Variants in NIN observed in about 807,000 individuals in gnomAD.
NIN encodes ninein.
Under a neutral mutation model 257.6 loss-of-function variants are expected in NIN, and 137 were observed. The observed-to-expected ratio is 0.53, with a 90% CI of 0.46 to 0.61. The LOEUF is 0.61. Ranked by LOEUF, NIN falls within the 20% of genes least tolerant of loss-of-function variation. The pLI, the probability that NIN is intolerant of heterozygous loss-of-function variation, is 0.00. For missense variants in NIN, 2,439 were observed against 2,501.2 expected, an observed-to-expected ratio of 0.98 and a Z score of 0.53; for synonymous variants, 918 against 919.8, an observed-to-expected ratio of 1.00 and a Z score of 0.04.
At chr14:50,819,152 C>G (rs1400303081) in intron 3 of NIN, among the ~76,000 whole-genome samples, 2 of 152,146 alleles carry the variant, frequency 1.3e-5, no homozygotes, top group Admixed American at 6.6e-5. Flanking sequence ...AAATTATATT[C>G]ACTAAGATTT....
At chr14:50,804,390 C>T (rs1020627044) in intron 4 of NIN, among the ~76,000 whole-genome samples, 1 of 152,180 alleles carries the variant, frequency 6.6e-6, no homozygotes, top group African/African-American at 2.4e-5. Flanking sequence ...AGGTTTTATC[C>T]TGCCAGGACA....
chr14:50,749,425 T>C (rs1477849868), intron 21 of NIN, among the ~76,000 whole-genome samples: 5 of 152,136 alleles, frequency 3.3e-5, no homozygotes, highest in African/African-American at 1.2e-4. Context: ...ATTTCTAAGG[T>C]AAGTTTTGCA....
rs749744531 is a variant in NIN, at chr14:50,772,953, A to C, written c.809T>G (p.Met270Arg). The C allele has an allele frequency of 5.6e-6, 9 of 1,608,960 alleles. No individual in the cohort carries two copies. The South Asian group carries it at 1.0e-4, about 18-fold the overall frequency. ...GCACTTCTGCTTATTTTTTACCTGC[A>C]TGGAAAGGTGCCTTTTTAGTTGTCT... ...PYRQLKRHLS[M>R]QSFDESGRRT... Residue 270 changes from methionine to arginine, a missense_variant, in exon 8 of 31, where the codon ATG (methionine) becomes AGG (arginine). Transcript: ENST00000530997.
At chr14:50,758,659 GA>G (rs2042146253) in intron 17 of NIN, 29 bp from the exon 18 acceptor site, 2 of 1,519,400 alleles carry the variant, frequency 1.3e-6, no homozygotes, top group East Asian at 4.6e-5. Flanking sequence ...CAGCATTATT[GA>G]AACTGCCGCC....
chr14:50,725,793 TATG>T, intron 30 of NIN, 157 bp downstream of exon 30: 1 of 1,304,456 alleles, frequency 7.7e-7, no homozygotes. Flanking sequence ...TTTGGGGTGA[TATG>T]AGGGATAGCA....
intron 3 of NIN, among the ~76,000 whole-genome samples, chr14:50,809,858 A>G (rs1005988425): frequency 6.6e-5 from 10 of 152,206 alleles, no homozygotes; most frequent in Admixed American, 1.3e-4. Context: ...TTTATTTCAC[A>G]GCCTCACCTA....
rs1408910564 is a variant in NIN, at chr14:50,720,910, G to GA, written c.*2552dup. On this transcript the variant is annotated 3_prime_UTR_variant, in exon 31 of 31. Coordinates refer to ENST00000530997, the MANE Select transcript of NIN (RefSeq NM_020921.4). The stretch of plus-strand genomic sequence containing the variant: ...TAATTGTTCTTAAATCAAAAAGTTT[G>GA]AAAATCAGTGCTTTTAATAAGCAAC... The GA allele has an allele frequency of 5.1e-6, 1 of 196,332 alleles. No homozygotes were observed. The allele number at this position is 196,332 out of a possible 1,614,324, so 12.2% of individuals were successfully genotyped here. A position where few individuals can be genotyped will look rare whatever the true frequency, so the allele number is the denominator to read the frequency against.
chr14:50,735,877 C>T lies in NIN; in HGVS notation c.5776-260G>A, dbSNP rs145416936. On this transcript the variant is annotated intron_variant, in intron 27 of 30. Transcript: ENST00000530997. ...TGGATGCCACCCACTGTAAGAAATACGTTTTATCTTACAACGCAGTACACA... is the reference window on the plus strand; with the variant it reads ...TGGATGCCACCCACTGTAAGAAATATGTTTTATCTTACAACGCAGTACACA... Among the ~76,000 whole-genome samples the T allele has an allele frequency of 2.5e-3, 384 of 152,252 alleles. 1 individual carries two copies. The highest frequency in any genetic ancestry group is 4.5e-3 in the Non-Finnish European group (309 of 68,014).
chr14:50,824,337 C>A (rs1192269053), intron 2 of NIN, among the ~76,000 whole-genome samples: 2 of 152,132 alleles, frequency 1.3e-5, no homozygotes, highest in African/African-American at 4.8e-5. Flanking sequence ...TTCACTAAAT[C>A]AAACCTCTTT....
At chr14:50,812,233 T>C (rs4901058) in intron 3 of NIN, among the ~76,000 whole-genome samples, 150,372 of 152,342 alleles carry the variant, frequency 0.99, 74,253 homozygotes, top group Middle Eastern at 1. Context: ...CTCACAATAT[T>C]CATGTGACAC....
intron 28 of NIN, among the ~76,000 whole-genome samples, chr14:50,734,709 T>C (rs2040890688): frequency 6.6e-6 from 1 of 152,146 alleles, no homozygotes; most frequent in Admixed American, 6.5e-5. Context: ...AGACAGGGTC[T>C]CTCACTGTCT....
intron 4 of NIN, among the ~76,000 whole-genome samples, chr14:50,793,438 A>G (rs2043690239): frequency 6.6e-6 from 1 of 152,096 alleles, no homozygotes; most frequent in Non-Finnish European, 1.5e-5. Flanking sequence ...ATTCTAAGCA[A>G]TTAATGACAG....
chr14:50,821,859 T>C lies in NIN; in HGVS notation c.183+15A>G. The C allele has an allele frequency of 6.2e-7, 1 of 1,604,458 alleles. No homozygotes were observed. Among genetic ancestry groups the C allele is most frequent in the Non-Finnish European group, 8.5e-7 (1 of 1,173,714 alleles). On this transcript the variant is annotated intron_variant, in intron 3 of 30. Transcript: ENST00000530997. ...CACCCCACTTCCCATAGCCACGTTC[T>C]TCCCCAGACCTTACCCTGCCCAAGA...
Position 50,729,503 on chromosome 14 carries a change from G to C in NIN, c.6078+20C>G. ...GGTAAAATTAACAGGTGATCTACTA[G>C]AGTAGAGAGAGCTTCATACCTGTGG... On this transcript the variant is annotated intron_variant, in intron 29 of 30. Transcript: ENST00000530997. 6.3e-7 allele frequency: 1 copy of C among 1,599,368 alleles called. No individual in the cohort carries two copies.
intron 3 of NIN, among the ~76,000 whole-genome samples, chr14:50,820,685 T>C (rs1483289798): frequency 6.6e-6 from 1 of 152,154 alleles, no homozygotes; most frequent in Non-Finnish European, 1.5e-5. Flanking sequence ...ACCACATGTA[T>C]GTAGAGACAG....
Position 50,723,518 on chromosome 14 carries a change from A to C in NIN, c.6347T>G (p.Ile2116Arg). ...LEEKIASLSN[I>R]VRNLTPAPLT... ...TGGCGCTGGTGTCAGATTCCTAACTATATTACTGAGGCTGGCAATCTTCTC... is the reference window on the plus strand; with the variant it reads ...TGGCGCTGGTGTCAGATTCCTAACTCTATTACTGAGGCTGGCAATCTTCTC... The change falls in exon 31 of 31, where the codon ATA becomes AGA. Residue 2116 changes from isoleucine (I) to arginine (R), a missense_variant. Ile to Arg is a moderately conservative substitution (Grantham distance 97). Transcript: ENST00000530997. 4 of 1,613,744 alleles carry C rather than the reference A, an allele frequency of 2.5e-6. No individual in the cohort carries two copies. The highest frequency in any genetic ancestry group is 3.4e-6 in the Non-Finnish European group (4 of 1,179,854).
intron 28 of NIN, 120 bp downstream of exon 28, chr14:50,735,396 G>C: frequency 7.3e-7 from 1 of 1,360,658 alleles, no homozygotes; most frequent in African/African-American, 1.5e-5. Flanking sequence ...AATTCAACTT[G>C]GCAGTGTACT....
At chr14:50,784,965 A>T (rs60771195) in intron 5 of NIN, among the ~76,000 whole-genome samples, 3 of 152,182 alleles carry the variant, frequency 2.0e-5, no homozygotes, top group African/African-American at 7.2e-5. Flanking sequence ...AGAGGGGAGA[A>T]GGTCAGAGGT....
intron 2 of NIN, among the ~76,000 whole-genome samples, chr14:50,822,570 G>A (rs1454822108): frequency 2.6e-5 from 4 of 152,190 alleles, no homozygotes; most frequent in Non-Finnish European, 5.9e-5. Context: ...AACCTGCCCC[G>A]ATGGTGCAAT....
Sources: allele counts gnomAD v4.1 joint callset (sites outside exome capture counted in the v4.1 genomes callset), GRCh38; gene constraint gnomAD v4.1.1; transcripts MANE v1.5; gene names NCBI Gene and HGNC (gene_info 2026-07-23, HGNC 2026-07-21).